The following HFM1 variants were observed in gnomAD, a reference collection of about 807,000 sequenced individuals.
HFM1 encodes the protein helicase for meiosis 1, also known as probable ATP-dependent DNA helicase HFM1.
In HFM1, 169 loss-of-function variants were observed where a neutral mutation model predicts 192.1. The observed-to-expected ratio is 0.88, with a 90% CI of 0.78 to 1.00. The LOEUF is 1.00. Ranked by LOEUF, HFM1 falls within the 50% of genes least tolerant of loss-of-function variation. The probability of loss-of-function intolerance (pLI) is 0.00; values close to 1 mark genes in which losing one functional copy is unlikely to be tolerated. For missense variants in HFM1, 1,661 were observed against 1,668.0 expected, an observed-to-expected ratio of 1.00 and a Z score of 0.07; for synonymous variants, 525 against 537.8, an observed-to-expected ratio of 0.98 and a Z score of 0.33.
At chr1:91,352,697 T>C (rs1657117590) in intron 15 of HFM1, 46 bp from the exon 16 acceptor site, 1 of 1,423,782 alleles carries the variant, frequency 7.0e-7, no homozygotes. Context: ...TTAACTTTGT[T>C]GCTTCAGGAA....
intron 8 of HFM1, 66 bp from the exon 9 acceptor site, chr1:91,379,280 G>T: frequency 2.3e-6 from 3 of 1,304,462 alleles, no homozygotes; most frequent in East Asian, 2.4e-5. Flanking sequence ...CACAAACTTT[G>T]GTTAATAAAG....
At chr1:91,348,448 G>A (rs930357650) in intron 18 of HFM1, among the ~76,000 whole-genome samples, 5 of 152,034 alleles carry the variant, frequency 3.3e-5, no homozygotes, top group African/African-American at 1.2e-4. Context: ...CTTTGACACA[G>A]GAATTTCATT....
At chr1:91,285,979 C>T (rs1667930626) in intron 30 of HFM1, among the ~76,000 whole-genome samples, 1 of 152,014 alleles carries the variant, frequency 6.6e-6, no homozygotes. Flanking sequence ...TTCAAGTAAC[C>T]CTTGTTTTAC....
intron 4 of HFM1, among the ~76,000 whole-genome samples, chr1:91,389,998 A>G (rs1434744876): frequency 6.6e-6 from 1 of 152,230 alleles, no homozygotes; most frequent in Non-Finnish European, 1.5e-5. Context: ...GAAAACACAC[A>G]TTCACACAAA....
chr1:91,375,275 T>G, intron 13 of HFM1, 83 bp downstream of exon 13: 3 of 916,032 alleles, frequency 3.3e-6, no homozygotes, highest in Non-Finnish European at 5.1e-6. Flanking sequence ...ACCCCAAGGT[T>G]ATGGGACAAG....
intron 20 of HFM1, among the ~76,000 whole-genome samples, chr1:91,330,880 C>T (rs1055162720): frequency 1.3e-5 from 2 of 152,098 alleles, no homozygotes; most frequent in African/African-American, 4.8e-5. Context: ...TACATCATAT[C>T]AAGACAATGA....
intron 20 of HFM1, among the ~76,000 whole-genome samples, chr1:91,331,380 C>T (rs1653794614): frequency 6.6e-6 from 1 of 151,910 alleles, no homozygotes. Context: ...ATAGCCACAA[C>T]TAAAATTAAA....
At chr1:91,274,118 T>C (rs151069557) in intron 33 of HFM1, among the ~76,000 whole-genome samples, 1 of 151,992 alleles carries the variant, frequency 6.6e-6, no homozygotes, top group African/African-American at 2.4e-5. Context: ...TTCCTGCATA[T>C]AGAATGCCCT....
intron 13 of HFM1, among the ~76,000 whole-genome samples, chr1:91,370,453 C>T (rs1208345478): frequency 8.5e-5 from 13 of 152,118 alleles, no homozygotes; most frequent in African/African-American, 1.4e-4. Flanking sequence ...AATCAATACA[C>T]GTAATCCAGC....
intron 11 of HFM1, among the ~76,000 whole-genome samples, chr1:91,377,068 T>C (rs1660989577): frequency 7.7e-6 from 1 of 129,952 alleles, no homozygotes. Flanking sequence ...TATTTAATGA[T>C]ATAAAAATGT....
At chr1:91,352,139 T>A (rs376571720) in intron 16 of HFM1, among the ~76,000 whole-genome samples, 1 of 151,666 alleles carries the variant, frequency 6.6e-6, no homozygotes, top group South Asian at 2.1e-4. Context: ...TGCTAGGACC[T>A]AGGGATGTTT....
At chr1:91,327,269 A>G (rs1204986308) in intron 20 of HFM1, among the ~76,000 whole-genome samples, 1 of 152,212 alleles carries the variant, frequency 6.6e-6, no homozygotes, top group Non-Finnish European at 1.5e-5. Context: ...TAATCCCAGC[A>G]ATTTGCAAGG....
intron 23 of HFM1, among the ~76,000 whole-genome samples, chr1:91,322,440 G>A (rs1652262691): frequency 6.6e-6 from 1 of 152,112 alleles, no homozygotes; most frequent in African/African-American, 2.4e-5. Context: ...ATTTGTGACT[G>A]CAAACTGCTA....
chr1:91,406,592 G>T (rs1664822611), upstream of HFM1, among the ~76,000 whole-genome samples: 1 of 152,136 alleles, frequency 6.6e-6, no homozygotes. Flanking sequence ...TTTTAGTAAT[G>T]TTGCCACATT....
At chr1:91,311,528 A>G (rs1392214337) in intron 30 of HFM1, among the ~76,000 whole-genome samples, 3 of 151,986 alleles carry the variant, frequency 2.0e-5, no homozygotes, top group Admixed American at 6.6e-5. Context: ...CAGGAGGCAG[A>G]GACAGGAGAA....
At chr1:91,290,741 A>G (rs1055365222) in intron 30 of HFM1, among the ~76,000 whole-genome samples, 2 of 152,102 alleles carry the variant, frequency 1.3e-5, no homozygotes, top group African/African-American at 4.8e-5. Context: ...AAATCAACAG[A>G]ATATACATTT....
intron 13 of HFM1, 41 bp downstream of exon 13, chr1:91,375,317 T>TAA: frequency 6.8e-7 from 1 of 1,476,392 alleles, no homozygotes. Context: ...AGATGAGCCC[T>TAA]AAAAGTCCTT....
chr1:91,351,937 A>G (rs1276026172), intron 16 of HFM1, among the ~76,000 whole-genome samples: 56 of 152,018 alleles, frequency 3.7e-4, no homozygotes, highest in Admixed American at 3.7e-3. Flanking sequence ...TAATTTACAT[A>G]TAATCTGATT....
At position 91,276,903 on chromosome 1, in the gene HFM1, A is replaced by G. The variant is rs1666880036; in HGVS notation, c.3472+79T>C. The G allele has an allele frequency of 1.1e-5, 10 of 880,678 alleles. No individual in the cohort carries two copies. In the Admixed American group the frequency reaches 2.6e-4, roughly 23 times the overall value. 54.6% of individuals were successfully genotyped at this position (880,678 alleles called of 1,614,324 possible). ...AAGTTGCATAATATAAATATCATAC[A>G]TAATTAGGATGTCATTACTATCCAC... On this transcript the variant is annotated intron_variant, in intron 31 of 38. Transcript: ENST00000370425.
Sources: allele counts gnomAD v4.1 joint callset (sites outside exome capture counted in the v4.1 genomes callset), GRCh38; gene constraint gnomAD v4.1.1; transcripts MANE v1.5; gene names NCBI Gene and HGNC (gene_info 2026-07-23, HGNC 2026-07-21).